MAPKAP1: variants seen among roughly 807,000 people sequenced by gnomAD.
The protein encoded by MAPKAP1 is target of rapamycin complex 2 subunit MAPKAP1.
MAPKAP1 carries 20 observed loss-of-function variants against 65.7 expected under a neutral mutation model. The ratio of observed to expected loss-of-function variants is 0.30; its 90% CI spans 0.21 to 0.44. MAPKAP1 has a LOEUF of 0.44. MAPKAP1 is among the 20% of genes least tolerant of loss of function. MAPKAP1 has a pLI of 1.00. For synonymous variants in MAPKAP1, 222 were observed against 244.3 expected (o/e 0.91, Z 0.85); for missense variants, 423 against 648.0 (o/e 0.65, Z 3.77).
chr9:125,522,307 C>T (rs1829641369), intron 7 of MAPKAP1, among the ~76,000 whole-genome samples: 1 of 152,224 alleles, frequency 6.6e-6, no homozygotes, highest in Non-Finnish European at 1.5e-5. Context: ...CTCAAACCAG[C>T]TTTTTTTCCT....
chr9:125,625,236 T>C (rs1352393042), intron 4 of MAPKAP1, among the ~76,000 whole-genome samples: 1 of 54,458 alleles, frequency 1.8e-5, no homozygotes, highest in Non-Finnish European at 3.4e-5. Context: ...GAATTATCAA[T>C]AAAAAAAAAA....
At chr9:125,517,495 CTT>C (rs1290786086) in intron 7 of MAPKAP1, among the ~76,000 whole-genome samples, 1 of 152,126 alleles carries the variant, frequency 6.6e-6, no homozygotes, top group African/African-American at 2.4e-5. Flanking sequence ...CATTTCTAGT[CTT>C]GTTACAACTT....
chr9:125,615,689 G>T (rs1210269656), intron 4 of MAPKAP1, among the ~76,000 whole-genome samples: 1 of 152,142 alleles, frequency 6.6e-6, no homozygotes, highest in Admixed American at 6.6e-5. Flanking sequence ...AAGGTGAGTG[G>T]ATAACTTGAG....
intron 1 of MAPKAP1, among the ~76,000 whole-genome samples, chr9:125,678,842 G>T (rs1052237163): frequency 6.6e-6 from 1 of 151,938 alleles, no homozygotes; most frequent in Non-Finnish European, 1.5e-5. Flanking sequence ...AATGGCTTAT[G>T]AAAAAAACTG....
At chr9:125,556,228 G>C (rs2133203678) in intron 6 of MAPKAP1, among the ~76,000 whole-genome samples, 1 of 152,258 alleles carries the variant, frequency 6.6e-6, no homozygotes, top group South Asian at 2.1e-4. Flanking sequence ...ATTCATCCAG[G>C]ACCACACACA....
intron 7 of MAPKAP1, among the ~76,000 whole-genome samples, chr9:125,539,060 G>A (rs1165770020): frequency 6.6e-6 from 1 of 152,138 alleles, no homozygotes; most frequent in African/African-American, 2.4e-5. Flanking sequence ...CATTCTAGGG[G>A]TCTTGTGAAA....
Position 125,447,981 on chromosome 9 carries a change from A to T in MAPKAP1, c.1346-3383T>A, listed in dbSNP as rs1183791239. Among the ~76,000 whole-genome samples the T allele has an allele frequency of 6.6e-6, 1 of 152,124 alleles. No individual in the cohort carries two copies. The highest frequency in any genetic ancestry group is 1.9e-4 in the East Asian group (1 of 5,200). ...CATGTGTGGCAGGCAGGTGGGAGGG[A>T]GAGGGACACAAAGGGCTGAGAGTGC... On this transcript the variant is annotated intron_variant, in intron 10 of 11. Transcript: ENST00000265960. This position sits in a 1 kb window ranked among gnomAD's most constrained non-coding sequence, Gnocchi z 4.5.
intron 9 of MAPKAP1, among the ~76,000 whole-genome samples, chr9:125,479,775 CT>C (rs1390341685): frequency 6.6e-6 from 1 of 152,188 alleles, no homozygotes; most frequent in African/African-American, 2.4e-5. Flanking sequence ...CTTACTACCA[CT>C]AATTCAGCAT....
intron 4 of MAPKAP1, among the ~76,000 whole-genome samples, chr9:125,657,437 T>G (rs1378118217): frequency 1.3e-5 from 2 of 152,158 alleles, no homozygotes; most frequent in African/African-American, 4.8e-5. Context: ...GGACTGTTTT[T>G]GTTTTAATCC....
At chr9:125,465,866 G>A (rs567042229) in intron 10 of MAPKAP1, among the ~76,000 whole-genome samples, 4 of 152,254 alleles carry the variant, frequency 2.6e-5, no homozygotes, top group South Asian at 2.1e-4. Context: ...GGCTGAGTAC[G>A]GGGAGGTGGA....
At chr9:125,577,870 G>A (rs1051520710) in intron 5 of MAPKAP1, among the ~76,000 whole-genome samples, 41 of 150,888 alleles carry the variant, frequency 2.7e-4, no homozygotes, top group Non-Finnish European at 5.2e-4. Context: ...GCCTCTGCCC[G>A]GCCGCCCCTA....
chr9:125,621,305 A>C (rs1457465365), intron 4 of MAPKAP1, among the ~76,000 whole-genome samples: 2 of 152,034 alleles, frequency 1.3e-5, no homozygotes, highest in Non-Finnish European at 2.9e-5. Context: ...AAACCACAAA[A>C]GTGCTATCAT....
At chr9:125,655,500 T>C (rs1400597132) in intron 4 of MAPKAP1, among the ~76,000 whole-genome samples, 1 of 152,240 alleles carries the variant, frequency 6.6e-6, no homozygotes, top group Non-Finnish European at 1.5e-5. Flanking sequence ...TTTTAATTTC[T>C]AGGTTACAAA....
intron 9 of MAPKAP1, among the ~76,000 whole-genome samples, chr9:125,474,773 T>C (rs1854043303): frequency 6.6e-6 from 1 of 152,204 alleles, no homozygotes; most frequent in African/African-American, 2.4e-5. Context: ...TGCTCAGATA[T>C]CATAAGCTGT....
At position 125,613,292 on chromosome 9, in the gene MAPKAP1, G is replaced by A. The variant is rs146114993; in HGVS notation, c.499-27565C>T. 1.3e-4 allele frequency among the ~76,000 whole-genome samples: 20 copies of A among 152,248 alleles called. No homozygotes were observed. The East Asian group carries it at 3.8e-3, about 29-fold the overall frequency. ...GTACCACCCAGATTCCCTCTTTTCA[G>A]GAATAAAGCGCATATTTCCCAACTG... On this transcript the variant is annotated intron_variant, in intron 4 of 11. Coordinates refer to ENST00000265960, the MANE Select transcript of MAPKAP1 (RefSeq NM_001006617.3).
chr9:125,611,842 G>A (rs1246735877), intron 4 of MAPKAP1, among the ~76,000 whole-genome samples: 1 of 152,090 alleles, frequency 6.6e-6, no homozygotes. Flanking sequence ...AAGAAAAAAT[G>A]GACAGTCTAT....
chr9:125,615,538 CAAAAAAA>C (rs58426049), intron 4 of MAPKAP1, among the ~76,000 whole-genome samples: 6,792 of 110,774 alleles, frequency 0.061, 449 homozygotes, highest in East Asian at 0.21. Flanking sequence ...ACTAAAAATA[CAAAAAAA>C]AAAAAAAAAA....
intron 4 of MAPKAP1, among the ~76,000 whole-genome samples, chr9:125,587,742 A>G (rs1831832323): frequency 1.3e-5 from 2 of 152,222 alleles, no homozygotes; most frequent in South Asian, 4.1e-4. Context: ...AAAATTTTTT[A>G]ATGGGCAAAG....
intron 8 of MAPKAP1, among the ~76,000 whole-genome samples, chr9:125,495,315 T>TA (rs1854903986): frequency 6.6e-6 from 1 of 152,146 alleles, no homozygotes; most frequent in South Asian, 2.1e-4. Flanking sequence ...CCTGATGCAT[T>TA]ACCAAACCAT....
Sources: allele counts gnomAD v4.1 joint callset (sites outside exome capture counted in the v4.1 genomes callset), GRCh38; gene constraint gnomAD v4.1.1; non-coding constraint Gnocchi (gnomAD v3.1); transcripts MANE v1.5; gene names NCBI Gene and HGNC (gene_info 2026-07-23, HGNC 2026-07-21).